Variants in BAZ1A observed in about 807,000 individuals in gnomAD.
BAZ1A encodes bromodomain adjacent to zinc finger domain 1A.
BAZ1A carries 50 observed loss-of-function variants against 185.2 expected under a neutral mutation model. The observed-to-expected ratio is 0.27, with a 90% CI of 0.22 to 0.34. The LOEUF (loss-of-function observed/expected upper bound fraction) is 0.34, where lower values mean the gene tolerates loss of function less well. BAZ1A is among the 10% of genes least tolerant of loss of function. BAZ1A has a pLI of 1.00. For synonymous variants in BAZ1A, 571 were observed against 615.6 expected, an observed-to-expected ratio of 0.93 and a Z score of 1.07; for missense variants, 1,356 against 1,839.9, an observed-to-expected ratio of 0.74 and a Z score of 4.81.
intron 17 of BAZ1A, among the ~76,000 whole-genome samples, chr14:34,777,398 C>T (rs1195074755): frequency 6.6e-6 from 1 of 152,200 alleles, no homozygotes; most frequent in African/African-American, 2.4e-5. Context: ...AATCCCAGAA[C>T]TTTGGGAGGC....
chr14:34,845,859 CA>C (rs3062591), intron 3 of BAZ1A, among the ~76,000 whole-genome samples: 436 of 115,200 alleles, frequency 3.8e-3, no homozygotes, highest in African/African-American at 0.012. Context: ...GACTCTGTCT[CA>C]AAAAAAAAAA....
rs1879581609 is a variant in BAZ1A, at chr14:34,776,056, T to C, written c.2696A>G (p.Glu899Gly). ...AGCTTCAATAAGCTGGTCTAGCTGTTCACAAGAACTGTAAAAGCACCACCG... is the reference window on the plus strand; with the variant it reads ...AGCTTCAATAAGCTGGTCTAGCTGTCCACAAGAACTGTAAAAGCACCACCG... Reference protein sequence around the residue: ...PNRWCFYSSCEQLDQLIEALN... With the variant: ...PNRWCFYSSCGQLDQLIEALN... Residue 899 changes from glutamate to glycine, a missense_variant, in exon 18 of 27, where the codon GAA (glutamate) becomes GGA (glycine). By Grantham distance (98) the Glu-to-Gly change is moderately conservative. Around this residue, in one of 7 missense-constraint regions of BAZ1A, gnomAD observed 434 missense variants for 561.7 expected, o/e 0.77. Coordinates refer to ENST00000360310, the MANE Select transcript of BAZ1A (RefSeq NM_013448.3). 1.2e-6 allele frequency: 2 copies of C among 1,614,220 alleles called. No homozygotes were observed. The highest frequency in any genetic ancestry group is 2.7e-5 in the African/African-American group (2 of 75,050).
intron 3 of BAZ1A, among the ~76,000 whole-genome samples, chr14:34,856,344 T>A (rs1422385125): frequency 7.4e-5 from 1 of 13,596 alleles, no homozygotes; most frequent in Non-Finnish European, 6.4e-3. Context: ...TGCAGCACAG[T>A]GGCGCAATAT....
At chr14:34,773,752 C>A in intron 19 of BAZ1A, 26 bp from the exon 20 acceptor site, 1 of 1,609,532 alleles carries the variant, frequency 6.2e-7, no homozygotes, top group Middle Eastern at 1.7e-4. Context: ...AACTTACTAA[C>A]CATGAAAAAT....
chr14:34,810,176 A>G (rs192937552), intron 5 of BAZ1A, among the ~76,000 whole-genome samples: 1 of 152,290 alleles, frequency 6.6e-6, no homozygotes, highest in African/African-American at 2.4e-5. Flanking sequence ...TTTTACACTA[A>G]ATGAAATACA....
intron 11 of BAZ1A, among the ~76,000 whole-genome samples, chr14:34,794,331 C>G (rs1458559403): frequency 3.3e-5 from 5 of 152,132 alleles, no homozygotes; most frequent in Admixed American, 2.0e-4. Flanking sequence ...TAAAGGTAGG[C>G]AATAACCTGT....
chr14:34,804,358 C>G (rs1340530379), intron 6 of BAZ1A, among the ~76,000 whole-genome samples: 1 of 152,110 alleles, frequency 6.6e-6, no homozygotes, highest in Non-Finnish European at 1.5e-5. Context: ...TATTTTTGAC[C>G]TAATGGCCAA....
Position 34,874,933 on chromosome 14 carries a change from A to AGCG in BAZ1A, c.-59+202_-59+204dup, listed in dbSNP as rs2043020857. 1 of 151,340 alleles carries AGCG rather than the reference A, an allele frequency of 6.6e-6. No homozygotes were observed. The highest frequency in any genetic ancestry group is 1.4e-5 in the Non-Finnish European group (1 of 69,826). The allele number at this position is 151,340 out of a possible 1,614,324, so 9.4% of individuals were successfully genotyped here. ...GCCCCGCCGCGGGGGGCAGTGCGGG[A>AGCG]GCGGCGGCGGCCCCCTCCCCCAGCG... On this transcript the variant is annotated intron_variant, in intron 1 of 26. Coordinates refer to ENST00000360310, the MANE Select transcript of BAZ1A (RefSeq NM_013448.3). This position sits in a 1 kb window ranked among gnomAD's most constrained non-coding sequence, Gnocchi z 4.7.
chr14:34,826,212 C>T, intron 3 of BAZ1A, 56 bp from the exon 4 acceptor site: 1 of 1,553,702 alleles, frequency 6.4e-7, no homozygotes, highest in Non-Finnish European at 8.8e-7. Context: ...TACAGCCAAA[C>T]ATGTCAGAGC....
intron 4 of BAZ1A, among the ~76,000 whole-genome samples, chr14:34,811,920 C>T (rs896105057): frequency 3.9e-5 from 6 of 152,156 alleles, no homozygotes; most frequent in Non-Finnish European, 8.8e-5. Flanking sequence ...AGAGACTACA[C>T]ATTTAATCCC....
chr14:34,777,789 T>C (rs1341610757), intron 17 of BAZ1A, among the ~76,000 whole-genome samples: 2 of 151,568 alleles, frequency 1.3e-5, no homozygotes, highest in East Asian at 1.9e-4. Flanking sequence ...GCCAGGAGTT[T>C]GAAACCAGCC....
At chr14:34,780,546 AAACTGAC>A (rs1329509970) in intron 16 of BAZ1A, among the ~76,000 whole-genome samples, 26 of 152,356 alleles carry the variant, frequency 1.7e-4, no homozygotes, top group Non-Finnish European at 3.1e-4. Flanking sequence ...AAGGAGAATG[AAACTGAC>A]TCTTAGGGAT....
At position 34,826,159 on chromosome 14, in the gene BAZ1A, GAAATA is replaced by G; in HGVS notation, c.393-8_393-4del. 1 of 1,604,840 alleles carries G rather than the reference GAAATA, an allele frequency of 6.2e-7. No homozygotes were observed. The highest frequency in any genetic ancestry group is 8.5e-7 in the Non-Finnish European group (1 of 1,177,508). On this transcript the variant is annotated splice_region_variant and splice_polypyrimidine_tract_variant and intron_variant, in intron 3 of 26. Coordinates refer to ENST00000360310, the MANE Select transcript of BAZ1A (RefSeq NM_013448.3). ...CTTCCAAAATCCTACACTGCAACCT[GAAATA>G]AAATGATACATTTAAAAATGCAAAT...
chr14:34,807,801 C>T (rs889610761), intron 5 of BAZ1A, among the ~76,000 whole-genome samples: 1 of 152,078 alleles, frequency 6.6e-6, no homozygotes, highest in African/African-American at 2.4e-5. Flanking sequence ...TGTTTAGGGG[C>T]CACTGAGAAA....
In BAZ1A at chr14:34,789,926, C is replaced by T. The variant is rs146599624; in HGVS notation, c.1510+2849G>A. Reference sequence around the variant, plus strand: ...TTGTATCCCATCAATTCCTTATTAGCCATGTTTCTTCAAACTAAGCCTCAG... The same window carrying T: ...TTGTATCCCATCAATTCCTTATTAGTCATGTTTCTTCAAACTAAGCCTCAG... On this transcript the variant is annotated intron_variant, in intron 12 of 26. Coordinates refer to ENST00000360310, the MANE Select transcript of BAZ1A (RefSeq NM_013448.3). 1.7e-3 allele frequency among the ~76,000 whole-genome samples: 259 copies of T among 152,256 alleles called. 1 individual carries two copies. Among genetic ancestry groups the T allele is most frequent in the African/African-American group, 6.1e-3 (253 of 41,558 alleles).
intron 3 of BAZ1A, among the ~76,000 whole-genome samples, chr14:34,847,569 C>T (rs1288897598): frequency 4.6e-5 from 7 of 152,232 alleles, no homozygotes; most frequent in Admixed American, 3.9e-4. Flanking sequence ...TTCTCAAAAA[C>T]TTCTACTTGA....
intron 2 of BAZ1A, among the ~76,000 whole-genome samples, chr14:34,870,069 G>A (rs768175305): frequency 4.6e-5 from 7 of 152,160 alleles, no homozygotes; most frequent in Non-Finnish European, 8.8e-5. Context: ...GCAATCCACA[G>A]AATAGTGAGC....
At chr14:34,857,295 A>C (rs1046361881) in intron 3 of BAZ1A, among the ~76,000 whole-genome samples, 2 of 151,162 alleles carry the variant, frequency 1.3e-5, no homozygotes, top group Non-Finnish European at 2.9e-5. Context: ...CTTGAGCCAC[A>C]ACGCACCCAG....
At chr14:34,777,400 T>C (rs1265896943) in intron 17 of BAZ1A, among the ~76,000 whole-genome samples, 1 of 152,160 alleles carries the variant, frequency 6.6e-6, no homozygotes, top group Non-Finnish European at 1.5e-5. Flanking sequence ...TCCCAGAACT[T>C]TGGGAGGCCG....
Sources: allele counts gnomAD v4.1 joint callset (sites outside exome capture counted in the v4.1 genomes callset), GRCh38; gene constraint gnomAD v4.1.1; regional missense constraint gnomAD v4.1.1; non-coding constraint Gnocchi (gnomAD v3.1); transcripts MANE v1.5; gene names NCBI Gene and HGNC (gene_info 2026-07-23, HGNC 2026-07-21).